Variants in ZBTB8B observed in about 807,000 individuals in gnomAD.
ZBTB8B encodes the protein zinc finger and BTB domain containing 8B.
ZBTB8B carries 17 observed loss-of-function variants against 30.3 expected under a neutral mutation model. That is an observed-to-expected ratio of 0.56 (90% CI 0.38 to 0.84). The LOEUF (loss-of-function observed/expected upper bound fraction) is 0.84, where lower values mean the gene tolerates loss of function less well. Among genes scored for constraint, ZBTB8B ranks in the 40% least tolerant of loss-of-function variants. The pLI is 0.00. For synonymous variants in ZBTB8B, 248 were observed against 255.6 expected (o/e 0.97, Z 0.28); for missense variants, 515 against 644.9 (o/e 0.80, Z 2.18).
At chr1:32,483,558 T>C (rs1000717889) in intron 3 of ZBTB8B, among the ~76,000 whole-genome samples, 3 of 151,708 alleles carry the variant, frequency 2.0e-5, no homozygotes, top group Admixed American at 6.6e-5. Flanking sequence ...GGTGGGGGGA[T>C]GGGGGAAGGA....
rs1293068065 is a variant in ZBTB8B at position 32,489,445 on chromosome 1, C to G, written c.*4027C>G. 4 of 152,210 alleles carry G rather than the reference C, an allele frequency of 2.6e-5. No homozygotes were observed. Among genetic ancestry groups the G allele is most frequent in the Non-Finnish European group, 5.9e-5 (4 of 68,038 alleles). 9.4% of individuals were successfully genotyped at this position (152,210 alleles called of 1,614,324 possible). ...CTGGCAATAACTGGATCACTGAGTTCTATCACTTTTAAAGGAGATACTTCC... is the reference window on the plus strand; with the variant it reads ...CTGGCAATAACTGGATCACTGAGTTGTATCACTTTTAAAGGAGATACTTCC... On this transcript the variant is annotated 3_prime_UTR_variant, in exon 4 of 4. Coordinates refer to ENST00000609129, the MANE Select transcript of ZBTB8B (RefSeq NM_001145720.2).
rs1643616575 is a variant in ZBTB8B, at chr1:32,471,150, G to T, written c.526G>T (p.Val176Phe). Reference protein sequence around the residue: ...EGTSCGTKSLVSSPAEGEKSV... With the variant: ...EGTSCGTKSLFSSPAEGEKSV... ...GACCTCCTGTGGTACCAAGAGCTTG[G>T]TCTCCTCTCCAGCCGAGGGAGAAAA... Residue 176 changes from valine to phenylalanine, a missense_variant, in exon 2 of 4, where the codon GTC becomes TTC. Coordinates refer to ENST00000609129, the MANE Select transcript of ZBTB8B (RefSeq NM_001145720.2). 1 of 1,551,670 alleles carries T rather than the reference G, an allele frequency of 6.4e-7. No homozygotes were observed. The highest frequency in any genetic ancestry group is 1.4e-5 in the African/African-American group (1 of 73,058).
Position 32,485,231 on chromosome 1 carries a change from A to T in ZBTB8B, c.1301A>T (p.Asp434Val). ...TGCGTTACAGACACACCCGATGATGATGATGATTTGATGCCCATCAACCTT... is the reference window on the plus strand; with the variant it reads ...TGCGTTACAGACACACCCGATGATGTTGATGATTTGATGCCCATCAACCTT... ...CTCVTDTPDDDDDLMPINLSL... is the reference protein window; with the variant it reads ...CTCVTDTPDDVDDLMPINLSL... The change falls in exon 4 of 4, where the codon GAT becomes GTT. Residue 434 changes from aspartate to valine, a missense_variant. By Grantham distance (152) the Asp-to-Val change is radical. Around this residue, in one of 3 missense-constraint regions of ZBTB8B, gnomAD observed 429 missense variants for 504.3 expected, o/e 0.85. Coordinates refer to ENST00000609129, the MANE Select transcript of ZBTB8B (RefSeq NM_001145720.2). The T allele has an allele frequency of 6.4e-7, 1 of 1,552,022 alleles. No homozygotes were observed. The highest frequency in any genetic ancestry group is 8.7e-7 in the Non-Finnish European group (1 of 1,147,070).
intron 1 of ZBTB8B, 70 bp from the exon 2 acceptor site, chr1:32,470,499 CAAAAAAAAAAAAAAA>C (rs60700558): frequency 5.8e-5 from 21 of 359,166 alleles, no homozygotes; most frequent in East Asian, 3.6e-4. Context: ...GACGCTGACT[CAAAAAAAAAAAAAAA>C]AAAAAAAAAA....
rs1339481803 is a variant in ZBTB8B at position 32,487,756 on chromosome 1, C to T, written c.*2338C>T. 1.3e-5 allele frequency: 2 copies of T among 152,002 alleles called. No individual in the cohort carries two copies. Among genetic ancestry groups the T allele is most frequent in the African/African-American group, 4.8e-5 (2 of 41,356 alleles). 9.4% of individuals were successfully genotyped at this position (152,002 alleles called of 1,614,324 possible). ...ACTCAGGAGGCTGTGGCGAGAGGAA[C>T]ACTTGAGCCTGGAAAAGGTTGCAGT... On this transcript the variant is annotated 3_prime_UTR_variant, in exon 4 of 4. Coordinates refer to ENST00000609129, the MANE Select transcript of ZBTB8B (RefSeq NM_001145720.2).
rs34445965 is a variant in ZBTB8B, at chr1:32,480,901, G to C, written c.1002G>C (p.Leu334=). The C allele has an allele frequency of 1.3e-4, 208 of 1,551,382 alleles. 2 individuals carry two copies. The Middle Eastern group carries it at 4.8e-3, about 36-fold the overall frequency. Residue 334 remains leucine (L), a synonymous_variant, in exon 3 of 4, where the codon CTG becomes CTC. Transcript: ENST00000609129. ...DWYGEDSGDV[L]VVPIKLHKCP... ...CATTTGGTTCCCCAGGTGATGTGCT[G>C]GTGGTCCCCATCAAGCTCCACAAGT... is the stretch of plus-strand genomic sequence containing the variant.
At position 32,486,746 on chromosome 1, in the gene ZBTB8B, G is replaced by A. The variant is rs915462336; in HGVS notation, c.*1328G>A. The A allele has an allele frequency of 6.6e-6, 1 of 152,148 alleles. No homozygotes were observed. Among genetic ancestry groups the A allele is most frequent in the African/African-American group, 2.4e-5 (1 of 41,416 alleles). The allele number at this position is 152,148 out of a possible 1,614,324, so 9.4% of individuals were successfully genotyped here. A position where few individuals can be genotyped will look rare whatever the true frequency, so the allele number is the denominator to read the frequency against. ...AGTCCTCAATTTGGTCCATGTCCGAGTCCGGCCTTTGGAGTTGAGTCCTGC... is the reference window on the plus strand; with the variant it reads ...AGTCCTCAATTTGGTCCATGTCCGAATCCGGCCTTTGGAGTTGAGTCCTGC... On this transcript the variant is annotated 3_prime_UTR_variant, in exon 4 of 4. Transcript: ENST00000609129.
chr1:32,473,871 G>C (rs1167129893), intron 2 of ZBTB8B, among the ~76,000 whole-genome samples: 2 of 151,168 alleles, frequency 1.3e-5, no homozygotes, highest in African/African-American at 2.4e-5. Context: ...ATTTTTTTGA[G>C]GCAGAGTCTC....
chr1:32,474,009 C>T (rs746842103), intron 2 of ZBTB8B, among the ~76,000 whole-genome samples: 1 of 151,766 alleles, frequency 6.6e-6, no homozygotes, highest in Non-Finnish European at 1.5e-5. Context: ...TGCCACCATG[C>T]CTGGCTAGTT....
Position 32,489,417 on chromosome 1 carries a change from G to C in ZBTB8B, c.*3999G>C, listed in dbSNP as rs555294518. 6.6e-6 allele frequency: 1 copy of C among 152,294 alleles called. No individual in the cohort carries two copies. The highest frequency in any genetic ancestry group is 2.1e-4 in the South Asian group (1 of 4,826). The allele number at this position is 152,294 out of a possible 1,614,324, so 9.4% of individuals were successfully genotyped here. A position where few individuals can be genotyped will look rare whatever the true frequency, so the allele number is the denominator to read the frequency against. ...TGGACTATTTGGAGTTTGTGTATAG[G>C]CACTGGCAATAACTGGATCACTGAG... On this transcript the variant is annotated 3_prime_UTR_variant, in exon 4 of 4. Coordinates refer to ENST00000609129, the MANE Select transcript of ZBTB8B (RefSeq NM_001145720.2).
chr1:32,466,604 A>G (rs1409794936), intron 1 of ZBTB8B, among the ~76,000 whole-genome samples: 1 of 152,204 alleles, frequency 6.6e-6, no homozygotes, highest in Non-Finnish European at 1.5e-5. Context: ...AGGATTGGGG[A>G]AAATTTTGAA....
rs1643613279 is a variant in ZBTB8B at position 32,470,978 on chromosome 1, T to G, written c.354T>G (p.Ile118Met). Reference sequence around the variant, plus strand: ...TGGTGAACTTCTGCAAGACATACATTAGGTCATCCCTCGACATTTGCCGAA... The same window carrying G: ...TGGTGAACTTCTGCAAGACATACATGAGGTCATCCCTCGACATTTGCCGAA... ...NDVVNFCKTY[I>M]RSSLDICRKM... Residue 118 changes from isoleucine (I) to methionine (M), a missense_variant, in exon 2 of 4, where the codon ATT becomes ATG. Coordinates refer to ENST00000609129, the MANE Select transcript of ZBTB8B (RefSeq NM_001145720.2). 5 of 1,552,072 alleles carry G rather than the reference T, an allele frequency of 3.2e-6. No individual in the cohort carries two copies. The highest frequency in any genetic ancestry group is 4.4e-6 in the Non-Finnish European group (5 of 1,147,102).
intron 3 of ZBTB8B, among the ~76,000 whole-genome samples, chr1:32,482,669 C>CAAAAA (rs1050028688): frequency 2.5e-4 from 10 of 40,016 alleles, no homozygotes; most frequent in African/African-American, 3.9e-4. Context: ...GACTCCGTGT[C>CAAAAA]AAAAAAAAAA....
At position 32,483,251 on chromosome 1, in the gene ZBTB8B, A is replaced by C. The variant is rs1363083142; in HGVS notation, c.1171-1850A>C. 3.5e-4 allele frequency among the ~76,000 whole-genome samples: 49 copies of C among 139,350 alleles called. 1 individual carries two copies. Among genetic ancestry groups the C allele is most frequent in the South Asian group, 2.1e-3 (9 of 4,212 alleles). 91.4% of individuals were successfully genotyped at this position (139,350 alleles called of 152,430 possible). On this transcript the variant is annotated intron_variant, in intron 3 of 3. Coordinates refer to ENST00000609129, the MANE Select transcript of ZBTB8B (RefSeq NM_001145720.2). ...CCTTATCTACTAAAAATCCAAAAAA[A>C]AAAAAAAAAAAAAAAAAAAAAAAAT...
rs1322547321 is a variant in ZBTB8B at position 32,488,040 on chromosome 1, C to G, written c.*2622C>G. 1.3e-5 allele frequency: 2 copies of G among 152,092 alleles called. No homozygotes were observed. The highest frequency in any genetic ancestry group is 6.6e-5 in the Admixed American group (1 of 15,246). The allele number at this position is 152,092 out of a possible 1,614,324, so 9.4% of individuals were successfully genotyped here. The stretch of plus-strand genomic sequence containing the variant: ...ATCACCTGAGGTCGGGAGTTCAAGA[C>G]CAGCCTGGCCAACATGGAGAAACCC... On this transcript the variant is annotated 3_prime_UTR_variant, in exon 4 of 4. Coordinates refer to ENST00000609129, the MANE Select transcript of ZBTB8B (RefSeq NM_001145720.2).
At position 32,488,235 on chromosome 1, in the gene ZBTB8B, C is replaced by G. The variant is rs1643758793; in HGVS notation, c.*2817C>G. On this transcript the variant is annotated 3_prime_UTR_variant, in exon 4 of 4. Coordinates refer to ENST00000609129, the MANE Select transcript of ZBTB8B (RefSeq NM_001145720.2). ...CTGGGCAACAAGAGCGAAACTGTCT[C>G]CAAAAATGTATACATATATTTGCTG... 6.6e-6 allele frequency: 1 copy of G among 152,184 alleles called. No individual in the cohort carries two copies. 9.4% of individuals were successfully genotyped at this position (152,184 alleles called of 1,614,324 possible). A position where few individuals can be genotyped will look rare whatever the true frequency, so the allele number is the denominator to read the frequency against.
At chr1:32,477,296 G>A (rs1643671911) in intron 2 of ZBTB8B, among the ~76,000 whole-genome samples, 1 of 152,182 alleles carries the variant, frequency 6.6e-6, no homozygotes, top group Non-Finnish European at 1.5e-5. Context: ...CTTCTTGAGG[G>A]AGGAAACAGG....
At chr1:32,469,456 T>C (rs1016159087) in intron 1 of ZBTB8B, among the ~76,000 whole-genome samples, 1 of 152,034 alleles carries the variant, frequency 6.6e-6, no homozygotes, top group Non-Finnish European at 1.5e-5. Flanking sequence ...GGTTTTGCCA[T>C]GTTGGCCAGG....
At chr1:32,467,742 C>G (rs1643582591) in intron 1 of ZBTB8B, among the ~76,000 whole-genome samples, 2 of 152,026 alleles carry the variant, frequency 1.3e-5, no homozygotes, top group Admixed American at 6.6e-5. Context: ...AGGGCCAGGA[C>G]ATAAATAATA....
Sources: gnomAD v4.1 joint callset for allele counts (sites outside exome capture counted in the v4.1 genomes callset) on GRCh38, gnomAD v4.1.1 for gene constraint, gnomAD v4.1.1 regional missense constraint, MANE v1.5 for transcripts, NCBI Gene and HGNC (gene_info 2026-07-23, HGNC 2026-07-21) for gene names.